ZSWIM6: variants seen among roughly 807,000 people sequenced by gnomAD.
ZSWIM6 encodes the protein zinc finger SWIM-type containing 6.
ZSWIM6 carries 9 observed loss-of-function variants against 113.2 expected under a neutral mutation model. That is an observed-to-expected ratio of 0.08 (90% CI 0.05 to 0.14). The LOEUF (loss-of-function observed/expected upper bound fraction) is 0.14, where lower values mean the gene tolerates loss of function less well. Ranked by LOEUF, ZSWIM6 falls within the 10% of genes least tolerant of loss-of-function variation. The pLI, the probability that ZSWIM6 is intolerant of heterozygous loss-of-function variation, is 1.00. For synonymous variants in ZSWIM6, 611 were observed against 606.5 expected (o/e 1.01, Z -0.11); for missense variants, 1,162 against 1,552.2 (o/e 0.75, Z 4.22).
At chr5:61,437,865 A>G (rs1456042985) in intron 1 of ZSWIM6, among the ~76,000 whole-genome samples, 3 of 152,172 alleles carry the variant, frequency 2.0e-5, no homozygotes, top group African/African-American at 7.2e-5. Context: ...TTAGTAACTT[A>G]CTAACTATAG....
At chr5:61,439,696 T>A (rs1746784477) in intron 1 of ZSWIM6, among the ~76,000 whole-genome samples, 1 of 152,214 alleles carries the variant, frequency 6.6e-6, no homozygotes, top group South Asian at 2.1e-4. Flanking sequence ...CTAAGAGTGT[T>A]CTTGATTATT....
At chr5:61,411,360 A>G (rs145818647) in intron 1 of ZSWIM6, among the ~76,000 whole-genome samples, 313 of 152,290 alleles carry the variant, frequency 2.1e-3, no homozygotes, top group African/African-American at 7.2e-3. Flanking sequence ...GAATACAGTA[A>G]AAATTGCTTC....
intron 1 of ZSWIM6, among the ~76,000 whole-genome samples, chr5:61,393,351 A>G (rs1430909938): frequency 6.6e-6 from 1 of 152,110 alleles, no homozygotes; most frequent in East Asian, 1.9e-4. Flanking sequence ...CGGCCTCTCA[A>G]TACCTTTTTA....
At chr5:61,534,378 T>C (rs560302579) in intron 9 of ZSWIM6, among the ~76,000 whole-genome samples, 1 of 152,316 alleles carries the variant, frequency 6.6e-6, no homozygotes, top group African/African-American at 2.4e-5. Context: ...TCCATTAAAA[T>C]GACCTAGAAT....
intron 12 of ZSWIM6, among the ~76,000 whole-genome samples, chr5:61,541,671 C>T (rs1280498849): frequency 3.9e-5 from 6 of 152,186 alleles, no homozygotes; most frequent in Admixed American, 1.3e-4. Context: ...ATATGGGCCT[C>T]TTGCCAGGAG....
At chr5:61,384,038 G>C (rs563271056) in intron 1 of ZSWIM6, among the ~76,000 whole-genome samples, 1 of 148,894 alleles carries the variant, frequency 6.7e-6, no homozygotes, top group Non-Finnish European at 1.5e-5. Flanking sequence ...TCAGGAGATC[G>C]AGACCATCCT....
At chr5:61,482,980 AC>A (rs370449957) in intron 2 of ZSWIM6, among the ~76,000 whole-genome samples, 2 of 151,742 alleles carry the variant, frequency 1.3e-5, no homozygotes, top group Admixed American at 6.6e-5. Context: ...ATACTAGCTT[AC>A]CCCAAAAAAA....
At chr5:61,381,114 G>A (rs1427400398) in intron 1 of ZSWIM6, among the ~76,000 whole-genome samples, 2 of 152,124 alleles carry the variant, frequency 1.3e-5, no homozygotes, top group Non-Finnish European at 2.9e-5. Flanking sequence ...TTAGCTGGGC[G>A]TGGTGGCACG....
chr5:61,384,954 G>C (rs1347233304), intron 1 of ZSWIM6, among the ~76,000 whole-genome samples: 2 of 152,176 alleles, frequency 1.3e-5, no homozygotes, highest in African/African-American at 4.8e-5. Flanking sequence ...CAGCTACTCA[G>C]GAGGCTGAGG....
chr5:61,382,809 TAAA>T (rs572591924), intron 1 of ZSWIM6, among the ~76,000 whole-genome samples: 4 of 128,314 alleles, frequency 3.1e-5, no homozygotes, highest in East Asian at 2.2e-4. Flanking sequence ...TGTCTAAAAA[TAAA>T]AAAAAAAGAA....
At chr5:61,417,212 A>G (rs962801832) in intron 1 of ZSWIM6, among the ~76,000 whole-genome samples, 1 of 152,206 alleles carries the variant, frequency 6.6e-6, no homozygotes, top group Non-Finnish European at 1.5e-5. Flanking sequence ...TTAGGTTGGA[A>G]CTGTAGTTGC....
intron 1 of ZSWIM6, among the ~76,000 whole-genome samples, chr5:61,400,293 C>T (rs1055045482): frequency 1.2e-4 from 19 of 152,286 alleles, no homozygotes; most frequent in African/African-American, 4.6e-4. Flanking sequence ...AGTTATGCTG[C>T]AAAAGCTCTG....
intron 1 of ZSWIM6, among the ~76,000 whole-genome samples, chr5:61,384,926 G>A (rs933327745): frequency 7.9e-5 from 12 of 152,198 alleles, no homozygotes; most frequent in African/African-American, 2.9e-4. Flanking sequence ...TGGGTGTGGC[G>A]GCAGGCACCT....
At chr5:61,522,045 C>T (rs1749140792) in intron 5 of ZSWIM6, among the ~76,000 whole-genome samples, 1 of 151,438 alleles carries the variant, frequency 6.6e-6, no homozygotes, top group African/African-American at 2.4e-5. Flanking sequence ...TGCTCCCAGA[C>T]ATTTCCAAAA....
intron 1 of ZSWIM6, among the ~76,000 whole-genome samples, chr5:61,368,154 T>C (rs1187467305): frequency 1.3e-5 from 2 of 152,058 alleles, no homozygotes; most frequent in Non-Finnish European, 2.9e-5. Context: ...ACCTACACGG[T>C]AGGATTGTTG....
rs116504688 is a variant in ZSWIM6, at chr5:61,364,501, A to T, written c.676+31553A>T. Among the ~76,000 whole-genome samples the T allele has an allele frequency of 4.0e-3, 617 of 152,364 alleles. 2 individuals are homozygous for T. Among genetic ancestry groups the T allele is most frequent in the African/African-American group, 0.014 (587 of 41,588 alleles). On this transcript the variant is annotated intron_variant, in intron 1 of 13. Coordinates refer to ENST00000252744, the MANE Select transcript of ZSWIM6 (RefSeq NM_020928.2). ...GAAAATTATATGAAATTCAAATTTCAGAGTCTATAAATAAAGCCTTATTGT... is the reference window on the plus strand; with the variant it reads ...GAAAATTATATGAAATTCAAATTTCTGAGTCTATAAATAAAGCCTTATTGT...
intron 1 of ZSWIM6, among the ~76,000 whole-genome samples, chr5:61,438,664 T>A (rs1440495666): frequency 2.0e-5 from 3 of 152,156 alleles, no homozygotes; most frequent in South Asian, 2.1e-4. Flanking sequence ...TAAATATACA[T>A]ATTAGTAAGG....
At chr5:61,356,700 TTA>T (rs1315996695) in intron 1 of ZSWIM6, among the ~76,000 whole-genome samples, 34 of 131,790 alleles carry the variant, frequency 2.6e-4, no homozygotes, top group South Asian at 4.4e-4. Flanking sequence ...TATACATATT[TTA>T]TATATATAAT....
intron 1 of ZSWIM6, among the ~76,000 whole-genome samples, chr5:61,435,698 T>C (rs548767722): frequency 3.9e-5 from 6 of 152,358 alleles, no homozygotes; most frequent in African/African-American, 1.2e-4. Context: ...TGTTACGGAT[T>C]ACATTTTAAA....
Sources: allele counts gnomAD v4.1 joint callset (sites outside exome capture counted in the v4.1 genomes callset), GRCh38; gene constraint gnomAD v4.1.1; transcripts MANE v1.5; gene names NCBI Gene and HGNC (gene_info 2026-07-23, HGNC 2026-07-21).